Variants in ADAMTS3 observed in about 807,000 individuals in gnomAD.
ADAMTS3 encodes ADAM metallopeptidase with thrombospondin type 1 motif 3, also known as A disintegrin and metalloproteinase with thrombospondin motifs 3.
A neutral mutation model predicts 129.0 loss-of-function variants in ADAMTS3; 73 were observed. The observed-to-expected ratio is 0.57, with a 90% CI of 0.47 to 0.69. The LOEUF is 0.69. ADAMTS3 is among the 30% of genes least tolerant of loss of function. The probability of loss-of-function intolerance (pLI) is 0.00; values close to 1 mark genes in which losing one functional copy is unlikely to be tolerated. For synonymous variants in ADAMTS3, 477 were observed against 510.8 expected (o/e 0.93, Z 0.89); for missense variants, 1,457 against 1,514.5 (o/e 0.96, Z 0.63).
intron 5 of ADAMTS3, among the ~76,000 whole-genome samples, chr4:72,338,475 C>T (rs1273599678): frequency 6.6e-6 from 1 of 152,082 alleles, no homozygotes; most frequent in African/African-American, 2.4e-5. Flanking sequence ...TTATAAATTG[C>T]TATCTCAATA....
At chr4:72,319,754 G>A in intron 8 of ADAMTS3, 104 bp downstream of exon 8, 1 of 993,382 alleles carries the variant, frequency 1.0e-6, no homozygotes, top group South Asian at 1.5e-5. Context: ...CAAAAGACAA[G>A]AATTGTATGC....
intron 4 of ADAMTS3, among the ~76,000 whole-genome samples, chr4:72,361,237 G>A (rs531556518): frequency 1.9e-4 from 29 of 152,192 alleles, no homozygotes; most frequent in African/African-American, 6.7e-4. Context: ...CCAAGCTGGT[G>A]CTTCATCTGT....
At chr4:72,495,144 G>A (rs571733922) in intron 3 of ADAMTS3, among the ~76,000 whole-genome samples, 24 of 152,258 alleles carry the variant, frequency 1.6e-4, no homozygotes, top group South Asian at 1.0e-3. Context: ...CTAAGCAGCC[G>A]CGAAGACAGG....
chr4:72,373,626 T>A (rs1042676927), intron 4 of ADAMTS3, among the ~76,000 whole-genome samples: 13 of 152,096 alleles, frequency 8.5e-5, no homozygotes, highest in African/African-American at 3.1e-4. Flanking sequence ...GGGCTGGGCA[T>A]GTTGGCTCAC....
chr4:72,479,551 G>A (rs559906417), intron 3 of ADAMTS3, among the ~76,000 whole-genome samples: 1 of 152,172 alleles, frequency 6.6e-6, no homozygotes, highest in African/African-American at 2.4e-5. Context: ...ACTCAAGATG[G>A]ATTAAAGACT....
chr4:72,351,905 A>C (rs1720447598), intron 4 of ADAMTS3, among the ~76,000 whole-genome samples: 1 of 151,956 alleles, frequency 6.6e-6, no homozygotes, highest in South Asian at 2.1e-4. Context: ...CACGTTACAG[A>C]GGTAAAGGCA....
At chr4:72,383,538 A>G (rs1229306087) in intron 4 of ADAMTS3, among the ~76,000 whole-genome samples, 1 of 152,198 alleles carries the variant, frequency 6.6e-6, no homozygotes, top group African/African-American at 2.4e-5. Context: ...TGACTTCCAT[A>G]TTCTGCAAAT....
chr4:72,540,733 C>A (rs1426267823), intron 3 of ADAMTS3, among the ~76,000 whole-genome samples: 1 of 152,220 alleles, frequency 6.6e-6, no homozygotes, highest in Non-Finnish European at 1.5e-5. Flanking sequence ...TGGCCCATGA[C>A]TTCAGAGGGT....
chr4:72,295,559 G>A (rs1292697137), intron 19 of ADAMTS3, 95 bp downstream of exon 19: 2 of 1,346,212 alleles, frequency 1.5e-6, no homozygotes, highest in Admixed American at 2.2e-5. Flanking sequence ...TCTATATAGA[G>A]CTTTGACTGA....
At chr4:72,536,599 C>T (rs1721190862) in intron 3 of ADAMTS3, among the ~76,000 whole-genome samples, 1 of 152,134 alleles carries the variant, frequency 6.6e-6, no homozygotes, top group Non-Finnish European at 1.5e-5. Flanking sequence ...ATAAGCATTA[C>T]TTCCCCATTT....
chr4:72,514,995 C>A (rs1720423548), intron 3 of ADAMTS3, among the ~76,000 whole-genome samples: 3 of 152,076 alleles, frequency 2.0e-5, no homozygotes, highest in Admixed American at 2.0e-4. Flanking sequence ...CTACCCCCAC[C>A]CCACAACAGT....
At chr4:72,454,683 G>A (rs893444266) in intron 3 of ADAMTS3, among the ~76,000 whole-genome samples, 9 of 151,612 alleles carry the variant, frequency 5.9e-5, no homozygotes, top group African/African-American at 2.2e-4. Flanking sequence ...ATAGGTTGAA[G>A]AAGACCAGGA....
chr4:72,490,421 G>A (rs1218567785), intron 3 of ADAMTS3, among the ~76,000 whole-genome samples: 2 of 151,608 alleles, frequency 1.3e-5, no homozygotes, highest in Non-Finnish European at 2.9e-5. Flanking sequence ...AAAAATTATT[G>A]CCCAGACTAA....
intron 3 of ADAMTS3, among the ~76,000 whole-genome samples, chr4:72,453,883 CTATAT>C (rs989610698): frequency 1.3e-4 from 19 of 148,644 alleles, no homozygotes; most frequent in Non-Finnish European, 2.4e-4. Context: ...TTATATTATA[CTATAT>C]TATATTATAT....
intron 4 of ADAMTS3, among the ~76,000 whole-genome samples, chr4:72,407,330 A>G (rs1269240766): frequency 4.6e-5 from 7 of 152,182 alleles, no homozygotes; most frequent in Non-Finnish European, 1.5e-5. Context: ...GGGACACTGT[A>G]TTAATACAAG....
chr4:72,549,963 AAGAAGAAGAAGAAGAAGAAGAAG>A (rs1721571478), intron 2 of ADAMTS3, among the ~76,000 whole-genome samples: 1 of 4,996 alleles, frequency 2.0e-4, no homozygotes, highest in African/African-American at 8.2e-4. Flanking sequence ...AAAAAAAAAA[AAGAAGAAGAAGAAGAAGAAGAAG>A]AAGAAGAGGA....
At chr4:72,304,879 T>TG (rs1719044168) in intron 16 of ADAMTS3, among the ~76,000 whole-genome samples, 1 of 152,092 alleles carries the variant, frequency 6.6e-6, no homozygotes, top group African/African-American at 2.4e-5. Flanking sequence ...GGTCTATTTT[T>TG]TCCAAGGACA....
rs368983046 is a variant in ADAMTS3, at chr4:72,296,895, CT to C, written c.2591-1110del. Among the ~76,000 whole-genome samples, 26 of 152,134 alleles carry C rather than the reference CT, an allele frequency of 1.7e-4. No individual in the cohort carries two copies. The East Asian group carries it at 4.3e-3, about 25-fold the overall frequency. The stretch of plus-strand genomic sequence containing the variant: ...TCAATCAGAAATAATTACTGAACCT[CT>C]TTTTGTCTTACGGCATTTACTAGTT... On this transcript the variant is annotated intron_variant, in intron 18 of 21. Coordinates refer to ENST00000286657, the MANE Select transcript of ADAMTS3 (RefSeq NM_014243.3).
At chr4:72,326,060 CA>C (rs1719690306) in intron 5 of ADAMTS3, among the ~76,000 whole-genome samples, 1 of 152,010 alleles carries the variant, frequency 6.6e-6, no homozygotes, top group Non-Finnish European at 1.5e-5. Flanking sequence ...TATTACTTAA[CA>C]AAAGTCACTA....
Sources: allele counts gnomAD v4.1 joint callset (sites outside exome capture counted in the v4.1 genomes callset), GRCh38; gene constraint gnomAD v4.1.1; transcripts MANE v1.5; gene names NCBI Gene and HGNC (gene_info 2026-07-23, HGNC 2026-07-21).